The following SRGAP3 variants were observed in gnomAD, a reference collection of about 807,000 sequenced individuals.
SRGAP3 encodes SLIT-ROBO Rho GTPase activating protein 3, also known as SLIT-ROBO Rho GTPase-activating protein 3.
A neutral mutation model predicts 121.1 loss-of-function variants in SRGAP3; 39 were observed. The ratio of observed to expected loss-of-function variants is 0.32; its 90% CI spans 0.25 to 0.42. The LOEUF is 0.42. Among genes scored for constraint, SRGAP3 ranks in the 10% least tolerant of loss-of-function variants. The pLI is 1.00. For synonymous variants in SRGAP3, 601 were observed against 570.0 expected, an observed-to-expected ratio of 1.05 and a Z score of -0.77; for missense variants, 1,213 against 1,470.6, an observed-to-expected ratio of 0.82 and a Z score of 2.86.
At chr3:9,188,020 A>T (rs1951650774) in intron 1 of SRGAP3, among the ~76,000 whole-genome samples, 1 of 152,168 alleles carries the variant, frequency 6.6e-6, no homozygotes, top group South Asian at 2.1e-4. Flanking sequence ...CCCATCCCAA[A>T]TTAGAAGGAA....
chr3:9,195,561 C>G (rs1294239871), intron 1 of SRGAP3, among the ~76,000 whole-genome samples: 2 of 152,186 alleles, frequency 1.3e-5, no homozygotes, highest in Non-Finnish European at 2.9e-5. Flanking sequence ...AGCTCCTCCC[C>G]CTCCCCATCC....
chr3:9,360,672 T>C (rs762096301), intron 1 of SRGAP3, among the ~76,000 whole-genome samples: 1 of 152,170 alleles, frequency 6.6e-6, no homozygotes, highest in Non-Finnish European at 1.5e-5. Context: ...AGAAAGAGAA[T>C]GGGAGAAGCG....
chr3:9,229,255 G>T (rs1953113187), intron 1 of SRGAP3, among the ~76,000 whole-genome samples: 1 of 152,082 alleles, frequency 6.6e-6, no homozygotes, highest in Non-Finnish European at 1.5e-5. Flanking sequence ...GTTCAGTCTG[G>T]GTGGGTCCAG....
chr3:9,235,961 C>T (rs1486401980), intron 1 of SRGAP3: 1 of 155,528 alleles, frequency 6.4e-6, no homozygotes, highest in Non-Finnish European at 1.4e-5. Context: ...TTTACCACAA[C>T]AAATAAATAC....
intron 1 of SRGAP3, among the ~76,000 whole-genome samples, chr3:9,172,391 C>G (rs1362863029): frequency 6.6e-6 from 1 of 152,216 alleles, no homozygotes; most frequent in Non-Finnish European, 1.5e-5. Context: ...GCATGAACCA[C>G]TGCACCTGCC....
At chr3:9,097,317 T>G (rs73015488) in intron 3 of SRGAP3, among the ~76,000 whole-genome samples, 14,337 of 152,178 alleles carry the variant, frequency 0.094, 870 homozygotes, top group African/African-American at 0.17. Flanking sequence ...ATTTATAGAT[T>G]GTTTATTGTG....
chr3:9,117,078 A>C (rs931380909), intron 2 of SRGAP3, among the ~76,000 whole-genome samples: 4 of 152,206 alleles, frequency 2.6e-5, no homozygotes, highest in African/African-American at 9.7e-5. Context: ...CAGGTCTGGA[A>C]AGTAGGACCC....
rs530837947 is a variant in SRGAP3, at chr3:9,224,108, A to G, written c.67+24777T>C. Among the ~76,000 whole-genome samples the G allele has an allele frequency of 5.9e-5, 9 of 152,270 alleles. No homozygotes were observed. In the East Asian group the frequency reaches 1.5e-3, roughly 26 times the overall value. On this transcript the variant is annotated intron_variant, in intron 1 of 21. Coordinates refer to ENST00000383836, the MANE Select transcript of SRGAP3 (RefSeq NM_014850.4). Reference sequence around the variant, plus strand: ...ACACGCCTGCAACAAACACATGCATACACCATGCCCGCAGCCCTTCCACAT... The same window carrying G: ...ACACGCCTGCAACAAACACATGCATGCACCATGCCCGCAGCCCTTCCACAT...
chr3:8,985,695 C>T lies in SRGAP3; in HGVS notation c.3124G>A (p.Ala1042Thr). 6.3e-7 allele frequency: 1 copy of T among 1,597,480 alleles called. No individual in the cohort carries two copies. The highest frequency in any genetic ancestry group is 8.5e-7 in the Non-Finnish European group (1 of 1,179,454). ...GCGCCAGCCAGGCGGGCGGACAGGG[C>T]TGGCTTGAAGGTGGTCATCATCTCG... ...STEMMTTFKP[A>T]LSARLAGAQL... Residue 1042 changes from alanine to threonine, a missense_variant, in exon 22 of 22, where the codon GCC (alanine) becomes ACC (threonine). Physicochemically the swap from Ala to Thr is moderately conservative, Grantham distance 58. This residue lies in a region of SRGAP3 where 420 missense variants were observed against 437.7 expected (regional missense o/e 0.96). Coordinates refer to ENST00000383836, the MANE Select transcript of SRGAP3 (RefSeq NM_014850.4). This position sits in a 1 kb window ranked among gnomAD's most constrained non-coding sequence, Gnocchi z 5.1.
chr3:9,295,545 T>C (rs1483831678), intron 3 of SRGAP3, among the ~76,000 whole-genome samples: 3 of 152,160 alleles, frequency 2.0e-5, no homozygotes, highest in Non-Finnish European at 2.9e-5. Flanking sequence ...AGCAAAGGCA[T>C]AAAAAGACAT....
chr3:9,046,511 G>A (rs1945286286), intron 10 of SRGAP3, among the ~76,000 whole-genome samples: 1 of 152,226 alleles, frequency 6.6e-6, no homozygotes, highest in South Asian at 2.1e-4. Context: ...AGTGGTATAA[G>A]GCCTCATGTG....
chr3:9,300,692 T>A (rs563231887), intron 3 of SRGAP3, among the ~76,000 whole-genome samples: 6 of 152,214 alleles, frequency 3.9e-5, no homozygotes, highest in African/African-American at 1.4e-4. Context: ...GGGGAGAAAT[T>A]TTGTCCCCCA....
At chr3:9,030,653 T>C (rs893884101) in intron 12 of SRGAP3, among the ~76,000 whole-genome samples, 1 of 144,502 alleles carries the variant, frequency 6.9e-6, no homozygotes, top group Non-Finnish European at 1.5e-5. Context: ...GATAACTTTA[T>C]AGTCACATCT....
intron 1 of SRGAP3, among the ~76,000 whole-genome samples, chr3:9,206,721 C>T (rs943285839): frequency 6.6e-6 from 1 of 152,164 alleles, no homozygotes; most frequent in Non-Finnish European, 1.5e-5. Flanking sequence ...ATCCCCTCAC[C>T]CCAGAGGCCT....
At chr3:9,343,303 T>C (rs1311327803) in intron 1 of SRGAP3, among the ~76,000 whole-genome samples, 1 of 152,206 alleles carries the variant, frequency 6.6e-6, no homozygotes, top group Non-Finnish European at 1.5e-5. Flanking sequence ...GTGTGGTATG[T>C]GTTTATAGTC....
intron 3 of SRGAP3, among the ~76,000 whole-genome samples, chr3:9,285,903 C>T (rs1453810209): frequency 3.3e-5 from 5 of 151,120 alleles, no homozygotes; most frequent in Non-Finnish European, 7.4e-5. Flanking sequence ...AACTCAATCC[C>T]AAGAGACCAG....
intron 1 of SRGAP3, among the ~76,000 whole-genome samples, chr3:9,233,233 G>T (rs1953282505): frequency 6.6e-6 from 1 of 152,218 alleles, no homozygotes; most frequent in African/African-American, 2.4e-5. Flanking sequence ...ACTCAGAAAA[G>T]TTAATGACTT....
chr3:9,220,830 C>A (rs1952789452), intron 1 of SRGAP3, among the ~76,000 whole-genome samples: 1 of 152,138 alleles, frequency 6.6e-6, no homozygotes, highest in African/African-American at 2.4e-5. Context: ...AAATGGGACA[C>A]ACACAGGAAA....
At chr3:9,324,971 T>C (rs901108132) in intron 3 of SRGAP3, among the ~76,000 whole-genome samples, 1 of 151,024 alleles carries the variant, frequency 6.6e-6, no homozygotes, top group Admixed American at 6.6e-5. Context: ...AAAAAAAAAT[T>C]CCCCCTTTTT....
Sources: gnomAD v4.1 joint callset for allele counts (sites outside exome capture counted in the v4.1 genomes callset) on GRCh38, gnomAD v4.1.1 for gene constraint, gnomAD v4.1.1 regional missense constraint, Gnocchi (gnomAD v3.1) non-coding constraint, MANE v1.5 for transcripts, NCBI Gene and HGNC (gene_info 2026-07-23, HGNC 2026-07-21) for gene names.